The following NXPH2 variants were observed in gnomAD, a reference collection of about 807,000 sequenced individuals.
NXPH2 encodes the protein neurexophilin 2.
A neutral mutation model predicts 19.8 loss-of-function variants in NXPH2; 5 were observed. That is an observed-to-expected ratio of 0.25 (90% CI 0.13 to 0.53). NXPH2 has a LOEUF of 0.53. Ranked by LOEUF, NXPH2 falls within the 20% of genes least tolerant of loss-of-function variation. NXPH2 has a pLI of 0.96. For synonymous variants in NXPH2, 154 were observed against 127.4 expected (o/e 1.21, Z -1.41); for missense variants, 289 against 322.8 (o/e 0.90, Z 0.80).
intron 1 of NXPH2, among the ~76,000 whole-genome samples, chr2:138,751,972 A>G (rs1484941205): frequency 6.6e-6 from 1 of 152,176 alleles, no homozygotes; most frequent in Non-Finnish European, 1.5e-5. Flanking sequence ...AGATGCTTAA[A>G]TTACTTTGAG....
At chr2:138,720,644 T>C (rs1043340106) in intron 1 of NXPH2, among the ~76,000 whole-genome samples, 1 of 152,236 alleles carries the variant, frequency 6.6e-6, no homozygotes. Context: ...GAAGGAACTG[T>C]AATCCTGGGT....
chr2:138,699,598 A>G (rs2104981062), intron 1 of NXPH2, among the ~76,000 whole-genome samples: 1 of 152,170 alleles, frequency 6.6e-6, no homozygotes, highest in South Asian at 2.1e-4. Context: ...TTAAAGAAGC[A>G]AGTAGGTTAA....
At chr2:138,745,483 C>CT (rs1322715336) in intron 1 of NXPH2, among the ~76,000 whole-genome samples, 12 of 29,030 alleles carry the variant, frequency 4.1e-4, no homozygotes, top group East Asian at 7.1e-4. Context: ...TCCTTTTCTT[C>CT]TTTTTTTGGC....
intron 1 of NXPH2, among the ~76,000 whole-genome samples, chr2:138,717,297 G>A (rs992152657): frequency 6.6e-6 from 1 of 152,008 alleles, no homozygotes; most frequent in Non-Finnish European, 1.5e-5. Context: ...CCTGGAGAAC[G>A]TTTAACAGTA....
chr2:138,746,439 G>A (rs566008330), intron 1 of NXPH2, among the ~76,000 whole-genome samples: 19 of 152,210 alleles, frequency 1.2e-4, no homozygotes, highest in South Asian at 2.1e-4. Context: ...ATGCTCCCTC[G>A]TGCCTGGCTC....
At chr2:138,775,104 A>AT (rs1298047444) in intron 1 of NXPH2, among the ~76,000 whole-genome samples, 1 of 152,188 alleles carries the variant, frequency 6.6e-6, no homozygotes, top group Non-Finnish European at 1.5e-5. Flanking sequence ...AAGAATGGCA[A>AT]TTTTAGATAC....
chr2:138,776,443 C>T (rs1326140138), intron 1 of NXPH2, among the ~76,000 whole-genome samples: 1 of 151,896 alleles, frequency 6.6e-6, no homozygotes, highest in Admixed American at 6.6e-5. Context: ...TAACATAATA[C>T]CAGAATAAAC....
chr2:138,777,412 T>C (rs940599445), intron 1 of NXPH2, among the ~76,000 whole-genome samples: 2 of 152,112 alleles, frequency 1.3e-5, no homozygotes, highest in African/African-American at 2.4e-5. Context: ...ACCTGTCTGT[T>C]AAAAGCACTA....
At chr2:138,681,153 A>G (rs1037985959) in intron 1 of NXPH2, among the ~76,000 whole-genome samples, 2 of 152,218 alleles carry the variant, frequency 1.3e-5, no homozygotes, top group East Asian at 1.9e-4. Flanking sequence ...TATAATCAAT[A>G]TAATATGTAT....
chr2:138,688,148 A>T (rs1366427224), intron 1 of NXPH2, among the ~76,000 whole-genome samples: 1 of 152,070 alleles, frequency 6.6e-6, no homozygotes, highest in Non-Finnish European at 1.5e-5. Context: ...CATTTTCACG[A>T]TATTGATTCT....
intron 1 of NXPH2, among the ~76,000 whole-genome samples, chr2:138,737,145 C>G (rs755355040): frequency 3.9e-5 from 6 of 152,176 alleles, no homozygotes; most frequent in Non-Finnish European, 5.9e-5. Context: ...TCCACATTTT[C>G]AGGTATCTTT....
rs190498439 is a variant in NXPH2, at chr2:138,675,312, C to G, written c.52-3647G>C. Among the ~76,000 whole-genome samples the G allele has an allele frequency of 5.3e-5, 8 of 152,118 alleles. No individual in the cohort carries two copies. The East Asian group carries it at 1.5e-3, about 29-fold the overall frequency. ...TCATTTTTCTTGTTTTAGTGCTTTG[C>G]CCAATTTTCTCCTCACTTTCACATT... On this transcript the variant is annotated intron_variant, in intron 1 of 1. Coordinates refer to ENST00000272641, the MANE Select transcript of NXPH2 (RefSeq NM_007226.3).
At chr2:138,686,683 T>G (rs1680660197) in intron 1 of NXPH2, among the ~76,000 whole-genome samples, 1 of 152,180 alleles carries the variant, frequency 6.6e-6, no homozygotes, top group South Asian at 2.1e-4. Context: ...GTATATCTCC[T>G]AATGCTATCC....
At chr2:138,769,389 A>C (rs949801869) in intron 1 of NXPH2, among the ~76,000 whole-genome samples, 5 of 152,212 alleles carry the variant, frequency 3.3e-5, no homozygotes, top group African/African-American at 4.8e-5. Context: ...AGCTGAAAGA[A>C]TGCATGCACT....
intron 1 of NXPH2, among the ~76,000 whole-genome samples, chr2:138,707,953 T>C (rs1362140966): frequency 6.6e-6 from 1 of 152,132 alleles, no homozygotes; most frequent in Non-Finnish European, 1.5e-5. Flanking sequence ...GAAGACTCCC[T>C]GGACAGTCAA....
intron 1 of NXPH2, among the ~76,000 whole-genome samples, chr2:138,728,297 C>T (rs933643428): frequency 6.6e-6 from 1 of 152,168 alleles, no homozygotes; most frequent in Non-Finnish European, 1.5e-5. Flanking sequence ...ATCAATCCTA[C>T]TAGGACTCTG....
intron 1 of NXPH2, among the ~76,000 whole-genome samples, chr2:138,695,568 T>A (rs1336190345): frequency 6.6e-6 from 1 of 152,120 alleles, no homozygotes; most frequent in African/African-American, 2.4e-5. Flanking sequence ...TTTTTTGAGG[T>A]AAAAATGATT....
At chr2:138,765,418 G>A (rs868594879) in intron 1 of NXPH2, among the ~76,000 whole-genome samples, 40 of 152,232 alleles carry the variant, frequency 2.6e-4, no homozygotes, top group African/African-American at 8.9e-4. Context: ...TTCTGTTTAC[G>A]TTTCTATTAC....
chr2:138,747,095 A>G (rs1681748750), intron 1 of NXPH2, among the ~76,000 whole-genome samples: 1 of 152,186 alleles, frequency 6.6e-6, no homozygotes, highest in Non-Finnish European at 1.5e-5. Context: ...ATATTTGAAC[A>G]TTCTCCTATT....
Sources: allele counts gnomAD v4.1 joint callset (sites outside exome capture counted in the v4.1 genomes callset), GRCh38; gene constraint gnomAD v4.1.1; transcripts MANE v1.5; gene names NCBI Gene and HGNC (gene_info 2026-07-23, HGNC 2026-07-21).